Variants in SYT1 observed in about 807,000 individuals in gnomAD.
SYT1 encodes the protein synaptotagmin 1.
Under a neutral mutation model 44.8 loss-of-function variants are expected in SYT1, and 8 were observed. The ratio of observed to expected loss-of-function variants is 0.18; its 90% CI spans 0.10 to 0.32. The LOEUF (loss-of-function observed/expected upper bound fraction) is 0.32, where lower values mean the gene tolerates loss of function less well. Among genes scored for constraint, SYT1 ranks in the 10% least tolerant of loss-of-function variants. The probability of loss-of-function intolerance (pLI) is 1.00; values close to 1 mark genes in which losing one functional copy is unlikely to be tolerated. For synonymous variants in SYT1, 154 were observed against 188.8 expected, an observed-to-expected ratio of 0.82 and a Z score of 1.51; for missense variants, 286 against 509.3, an observed-to-expected ratio of 0.56 and a Z score of 4.22.
At chr12:78,930,614 A>G (rs1565722791) in intron 1 of SYT1, among the ~76,000 whole-genome samples, 1 of 151,608 alleles carries the variant, frequency 6.6e-6, no homozygotes, top group Non-Finnish European at 1.5e-5. Context: ...ATTGATAATG[A>G]CAGGATTAAA....
chr12:78,924,208 T>C (rs76577253), intron 1 of SYT1, among the ~76,000 whole-genome samples: 1 of 151,954 alleles, frequency 6.6e-6, no homozygotes, highest in African/African-American at 2.4e-5. Context: ...TGCCCCATTA[T>C]GGTGATGTTA....
chr12:79,371,271 C>G (rs1482726637), intron 9 of SYT1, among the ~76,000 whole-genome samples: 1 of 152,220 alleles, frequency 6.6e-6, no homozygotes, highest in East Asian at 1.9e-4. Flanking sequence ...TTACTCACAG[C>G]TTCCCCCACC....
chr12:78,889,387 G>T (rs192277828), intron 1 of SYT1, among the ~76,000 whole-genome samples: 3 of 152,024 alleles, frequency 2.0e-5, no homozygotes, highest in African/African-American at 7.2e-5. Flanking sequence ...ACATTTCCTT[G>T]GTTGAGGAAC....
chr12:79,192,224 C>A (rs1479063349), intron 3 of SYT1, among the ~76,000 whole-genome samples: 1 of 152,074 alleles, frequency 6.6e-6, no homozygotes, highest in Non-Finnish European at 1.5e-5. Flanking sequence ...AAAGAGATCA[C>A]ATAGGATGAA....
chr12:79,187,554 C>T (rs776123780), intron 3 of SYT1, among the ~76,000 whole-genome samples: 17 of 152,116 alleles, frequency 1.1e-4, no homozygotes, highest in Non-Finnish European at 2.4e-4. Context: ...TGAGAACCTT[C>T]CCCAATTTGG....
chr12:79,037,946 T>C (rs1873245275), intron 2 of SYT1, among the ~76,000 whole-genome samples: 1 of 151,888 alleles, frequency 6.6e-6, no homozygotes, highest in African/African-American at 2.4e-5. Context: ...TAATACAGTA[T>C]TGATAATGAA....
intron 3 of SYT1, among the ~76,000 whole-genome samples, chr12:79,136,368 A>G (rs573336082): frequency 6.6e-6 from 1 of 152,322 alleles, no homozygotes; most frequent in Admixed American, 6.5e-5. Flanking sequence ...TCATTAGCTC[A>G]CAAGAGTGAG....
At chr12:79,443,763 T>C (rs1870559497) in intron 9 of SYT1, among the ~76,000 whole-genome samples, 1 of 152,144 alleles carries the variant, frequency 6.6e-6, no homozygotes, top group African/African-American at 2.4e-5. Flanking sequence ...TTGGCCTTGG[T>C]TGGGGTATAT....
intron 3 of SYT1, among the ~76,000 whole-genome samples, chr12:79,151,462 G>A (rs1396693476): frequency 6.6e-6 from 1 of 152,180 alleles, no homozygotes; most frequent in East Asian, 1.9e-4. Flanking sequence ...GCACATCACT[G>A]AAGGGATCAT....
intron 3 of SYT1, among the ~76,000 whole-genome samples, chr12:79,086,137 G>A (rs1001899601): frequency 1.5e-4 from 23 of 152,144 alleles, no homozygotes; most frequent in South Asian, 8.3e-4. Flanking sequence ...AGAACATAAA[G>A]AAGAAATCAA....
chr12:79,272,403 G>T (rs956960288), intron 4 of SYT1, among the ~76,000 whole-genome samples: 5 of 152,112 alleles, frequency 3.3e-5, no homozygotes, highest in Admixed American at 1.3e-4. Flanking sequence ...ATAATATCAG[G>T]TCTACACCTT....
intron 3 of SYT1, among the ~76,000 whole-genome samples, chr12:79,049,425 T>A (rs754597336): frequency 1.1e-4 from 17 of 151,848 alleles, no homozygotes; most frequent in Non-Finnish European, 2.1e-4. Flanking sequence ...TACCTATTAT[T>A]TAATAATTAT....
At chr12:78,882,333 G>A (rs1874503687) in intron 1 of SYT1, among the ~76,000 whole-genome samples, 1 of 151,686 alleles carries the variant, frequency 6.6e-6, no homozygotes, top group African/African-American at 2.4e-5. Context: ...AGCAGGCTTG[G>A]TTAAAATAGA....
At chr12:79,278,755 T>C (rs1878879974) in intron 4 of SYT1, among the ~76,000 whole-genome samples, 1 of 151,702 alleles carries the variant, frequency 6.6e-6, no homozygotes, top group Non-Finnish European at 1.5e-5. Context: ...GATAGACCAA[T>C]AGCTAGATTA....
intron 2 of SYT1, among the ~76,000 whole-genome samples, chr12:79,031,923 AAT>A (rs1191030589): frequency 4.0e-5 from 6 of 151,276 alleles, no homozygotes; most frequent in South Asian, 4.1e-4. Flanking sequence ...CCTTTGTGAA[AAT>A]ATATATATGT....
intron 3 of SYT1, among the ~76,000 whole-genome samples, chr12:79,126,380 C>T (rs1250412064): frequency 6.6e-6 from 1 of 152,184 alleles, no homozygotes; most frequent in Non-Finnish European, 1.5e-5. Context: ...CCTGCCTCAG[C>T]CTCCAGAGTA....
At chr12:78,952,993 A>T (rs948229205) in intron 1 of SYT1, among the ~76,000 whole-genome samples, 1 of 152,128 alleles carries the variant, frequency 6.6e-6, no homozygotes, top group Non-Finnish European at 1.5e-5. Flanking sequence ...TTTGTGTCTC[A>T]TTTTTTAGCA....
At chr12:79,196,682 T>C (rs2138475667) in intron 3 of SYT1, among the ~76,000 whole-genome samples, 1 of 152,252 alleles carries the variant, frequency 6.6e-6, no homozygotes, top group East Asian at 1.9e-4. Flanking sequence ...GAACTAATTG[T>C]TCTGTGATTG....
At chr12:79,335,032 C>T (rs935162597) in intron 8 of SYT1, among the ~76,000 whole-genome samples, 1 of 152,132 alleles carries the variant, frequency 6.6e-6, no homozygotes, top group African/African-American at 2.4e-5. Flanking sequence ...GACATTCTTC[C>T]CCTACTGATG....
Sources: gnomAD v4.1 joint callset for allele counts (sites outside exome capture counted in the v4.1 genomes callset) on GRCh38, gnomAD v4.1.1 for gene constraint, MANE v1.5 for transcripts, NCBI Gene and HGNC (gene_info 2026-07-23, HGNC 2026-07-21) for gene names.